NF1: variants seen among roughly 807,000 people sequenced by gnomAD.
The protein encoded by NF1 is neurofibromin.
NF1 carries 122 observed loss-of-function variants against 325.7 expected under a neutral mutation model. The observed-to-expected ratio is 0.37, with a 90% confidence interval of 0.32 to 0.44. NF1 has a LOEUF of 0.44. Ranked by LOEUF, NF1 falls within the 20% of genes least tolerant of loss-of-function variation. The pLI is 1.00. For missense variants in NF1, 2,140 were observed against 3,415.4 expected, an observed-to-expected ratio of 0.63 and a Z score of 9.31; for synonymous variants, 1,091 against 1,186.0, an observed-to-expected ratio of 0.92 and a Z score of 1.65.
chr17:31,189,758 ATTTT>A lies in NF1; in HGVS notation c.888+7110_888+7113del, dbSNP rs1007309645. The stretch of plus-strand genomic sequence containing the variant: ...ATCTTTCTGGATTAAAAAGAAAAGT[ATTTT>A]TTTTTTTTTTTTTTTTGAGACGGTG... On this transcript the variant is annotated intron_variant, in intron 8 of 57. Coordinates refer to ENST00000358273, the MANE Select transcript of NF1 (RefSeq NM_001042492.3). Among the ~76,000 whole-genome samples, 362 of 118,554 alleles carry A rather than the reference ATTTT, an allele frequency of 3.1e-3. 1 individual carries two copies. Among genetic ancestry groups the A allele is most frequent in the African/African-American group, 0.011 (347 of 31,586 alleles). 77.8% of individuals were successfully genotyped at this position (118,554 alleles called of 152,430 possible).
intron 36 of NF1, among the ~76,000 whole-genome samples, chr17:31,282,110 T>C (rs991827033): frequency 2.0e-5 from 3 of 151,340 alleles, no homozygotes; most frequent in Non-Finnish European, 2.9e-5. Context: ...GGGCCGGGCG[T>C]GGTGGTTCAC....
At chr17:31,358,648 T>C (rs765835869) in intron 55 of NF1, 26 bp downstream of exon 55, 4 of 1,613,860 alleles carry the variant, frequency 2.5e-6, no homozygotes, top group Non-Finnish European at 3.4e-6. Context: ...TGGAGAAGGA[T>C]GGTTGATGAA....
chr17:31,268,886 TGTAGAGATGAGGTTTTGCTATGTTGC>T (rs1482776949), intron 36 of NF1, among the ~76,000 whole-genome samples: 2 of 151,614 alleles, frequency 1.3e-5, no homozygotes, highest in Non-Finnish European at 2.9e-5. Context: ...TTATTTTTTT[TGTAGAGATGAGGTTTTGCTATGTTGC>T]GCAGGCTGGG....
chr17:31,207,848 G>C (rs1211918078), intron 12 of NF1, among the ~76,000 whole-genome samples: 1 of 151,992 alleles, frequency 6.6e-6, no homozygotes, highest in Non-Finnish European at 1.5e-5. Flanking sequence ...TGACTTTTTT[G>C]CTTTAAGTTT....
chr17:31,324,484 A>G (rs1398676992), intron 36 of NF1, among the ~76,000 whole-genome samples: 1 of 152,248 alleles, frequency 6.6e-6, no homozygotes, highest in Non-Finnish European at 1.5e-5. Context: ...GAAATATACA[A>G]TGTTATTATT....
chr17:31,314,161 A>C, intron 36 of NF1: 1 of 395,214 alleles, frequency 2.5e-6, no homozygotes, highest in Non-Finnish European at 4.5e-6. Flanking sequence ...AGTGCAATAA[A>C]CCACAAAGTG....
At chr17:31,358,756 A>G (rs937915613) in intron 55 of NF1, 134 bp downstream of exon 55, 2 of 1,260,210 alleles carry the variant, frequency 1.6e-6, no homozygotes, top group African/African-American at 3.0e-5. Flanking sequence ...CCATTTTTTT[A>G]CTCTCTCAAC....
intron 13 of NF1, among the ~76,000 whole-genome samples, chr17:31,216,612 GAA>G (rs1387717649): frequency 6.6e-6 from 1 of 151,990 alleles, no homozygotes; most frequent in African/African-American, 2.4e-5. Context: ...TCTCCACACT[GAA>G]GTTATGGCAG....
At chr17:31,136,592 G>A (rs1915801666) in intron 1 of NF1, 1 of 152,180 alleles carries the variant, frequency 6.6e-6, no homozygotes, top group Admixed American at 6.5e-5. Context: ...TCCACACTGT[G>A]TATGGTACCT....
rs1352916869 is a variant in NF1 at position 31,317,402 on chromosome 17, CA to C, written c.4836-8417del. ...ACACACACACACACACACACACACA[CA>C]CCCCTAATAAATCATTAGGCTACTT... On this transcript the variant is annotated intron_variant, in intron 36 of 57. Transcript: ENST00000358273. Among the ~76,000 whole-genome samples the C allele has an allele frequency of 5.8e-3, 873 of 151,698 alleles. 6 individuals are homozygous for C. Among genetic ancestry groups the C allele is most frequent in the African/African-American group, 0.016 (642 of 41,306 alleles).
chr17:31,172,888 C>T (rs969973313), intron 5 of NF1, among the ~76,000 whole-genome samples: 1 of 151,972 alleles, frequency 6.6e-6, no homozygotes, highest in Admixed American at 6.6e-5. Context: ...ACTTCTGGGA[C>T]TTGGTTATGC....
intron 1 of NF1, 127 bp downstream of exon 1, chr17:31,095,496 A>C: frequency 1.5e-6 from 1 of 676,650 alleles, no homozygotes; most frequent in Non-Finnish European, 2.2e-6. Flanking sequence ...AAGGGAAGGG[A>C]AGAGAAGGGA....
rs17887014 is a variant in NF1 at position 31,326,219 on chromosome 17, G to A, written c.5235G>A (p.Lys1745=). ...TGAAGGTATTCCACAATGCTCTCAA[G>A]CTAGCTCACAAAGACACCAAAGTTT... ...EDLKVFHNAL[K]LAHKDTKVSI... Residue 1745 remains lysine (K), a synonymous_variant, in exon 37 of 58, where the codon AAG becomes AAA. Transcript: ENST00000358273. 6,191 of 1,611,832 alleles carry A rather than the reference G, an allele frequency of 3.8e-3. 29 individuals are homozygous for A. The highest frequency in any genetic ancestry group is 6.9e-3 in the Middle Eastern group (42 of 6,062).
At chr17:31,216,670 C>T (rs1007753170) in intron 13 of NF1, among the ~76,000 whole-genome samples, 2 of 152,042 alleles carry the variant, frequency 1.3e-5, no homozygotes, top group African/African-American at 4.8e-5. Context: ...CAGCTTGAAC[C>T]CTTTTAGTTG....
In NF1 at chr17:31,108,978, C is replaced by G. The variant is rs140304258; in HGVS notation, c.60+13609C>G. Among the ~76,000 whole-genome samples the G allele has an allele frequency of 4.5e-3, 692 of 152,274 alleles. 7 individuals are homozygous for G. The highest frequency in any genetic ancestry group is 0.016 in the African/African-American group (663 of 41,538). On this transcript the variant is annotated intron_variant, in intron 1 of 57. Transcript: ENST00000358273. ...ATGAAAGTATTTTGTCTACTCTAAA[C>G]TCAAAAGCAAAAGTGCTTTACAAAG...
chr17:31,206,286 C>A lies in NF1; in HGVS notation c.1307C>A (p.Ser436Ter), dbSNP rs755190083. ...AAGATTGATGCTGTGTATTGTCACT[C>A]GGTTGAACTTCGAAATATGTTTGGT... is the stretch of plus-strand genomic sequence containing the variant. ...WPKIDAVYCHSVELRNMFGET... is the reference protein window; with the variant it reads ...WPKIDAVYCH Residue 436 changes from serine to a stop codon, truncating the protein, a stop_gained, in exon 12 of 58, where the codon TCG (serine) becomes TAG (stop). Transcript: ENST00000358273. LOFTEE classifies it high-confidence loss of function. 2 of 1,613,692 alleles carry A rather than the reference C, an allele frequency of 1.2e-6. No individual in the cohort carries two copies. Among genetic ancestry groups the A allele is most frequent in the Admixed American group, 1.7e-5 (1 of 59,998 alleles).
intron 36 of NF1, among the ~76,000 whole-genome samples, chr17:31,266,762 G>A (rs2067797428): frequency 6.7e-6 from 1 of 149,754 alleles, no homozygotes; most frequent in African/African-American, 2.4e-5. Context: ...ATCAGAAACT[G>A]TTATATTTGT....
At chr17:31,351,321 T>C (rs543906064) in intron 50 of NF1, among the ~76,000 whole-genome samples, 112 of 152,332 alleles carry the variant, frequency 7.4e-4, no homozygotes, top group Non-Finnish European at 1.0e-4. Context: ...ATTTTAAGTA[T>C]TCTCACCACA....
In NF1 at chr17:31,338,775, A is replaced by G. The variant is rs776626153; in HGVS notation, c.6891A>G (p.Ala2297=). Residue 2297 remains alanine, a synonymous_variant, in exon 46 of 58, where the codon GCA becomes GCG. Coordinates refer to ENST00000358273, the MANE Select transcript of NF1 (RefSeq NM_001042492.3). ...SQVLIEATVI[A]LTKLQPLLNK... is the part of the protein sequence containing the mutation. ...TTCTGATAGAAGCTACAGTAATAGC[A>G]CTAACCAAATTACAGCCACTTCTTA... 1.9e-6 allele frequency: 3 copies of G among 1,612,956 alleles called. No individual in the cohort carries two copies. The East Asian group carries it at 6.7e-5, about 36-fold the overall frequency.
Sources: gnomAD v4.1 joint callset for allele counts (sites outside exome capture counted in the v4.1 genomes callset) on GRCh38, gnomAD v4.1.1 for gene constraint, MANE v1.5 for transcripts, NCBI Gene and HGNC (gene_info 2026-07-23, HGNC 2026-07-21) for gene names.